Variants in PDE4D observed in about 807,000 individuals in gnomAD.
PDE4D encodes 3',5'-cyclic-AMP phosphodiesterase 4D.
Under a neutral mutation model 87.4 loss-of-function variants are expected in PDE4D, and 24 were observed. The ratio of observed to expected loss-of-function variants is 0.27; its 90% CI spans 0.20 to 0.39. PDE4D has a LOEUF of 0.39. Among genes scored for constraint, PDE4D ranks in the 10% least tolerant of loss-of-function variants. The pLI is 1.00. For missense variants in PDE4D, 714 were observed against 1,041.0 expected (o/e 0.69, Z 4.32); for synonymous variants, 384 against 383.2 (o/e 1.00, Z -0.02).
chr5:60,347,079 C>T (rs545964152), intron 1 of PDE4D, among the ~76,000 whole-genome samples: 1 of 152,030 alleles, frequency 6.6e-6, no homozygotes, highest in Admixed American at 6.6e-5. Flanking sequence ...GACAATTAAA[C>T]AGGGTGATGG....
chr5:59,511,239 CA>C (rs994885228), intron 1 of PDE4D, among the ~76,000 whole-genome samples: 3 of 151,636 alleles, frequency 2.0e-5, no homozygotes, highest in African/African-American at 7.3e-5. Context: ...TCAAAAAATA[CA>C]AAAAGTTTCG....
intron 1 of PDE4D, among the ~76,000 whole-genome samples, chr5:59,572,460 G>A (rs924501144): frequency 2.0e-5 from 3 of 146,500 alleles, no homozygotes; most frequent in Non-Finnish European, 2.9e-5. Flanking sequence ...CAGGTTTTTT[G>A]TTTTGTTTTG....
chr5:60,302,821 T>TTTTTG (rs144243148), intron 1 of PDE4D, among the ~76,000 whole-genome samples: 154 of 151,952 alleles, frequency 1.0e-3, no homozygotes, highest in African/African-American at 1.8e-3. Context: ...AAATTTTGGT[T>TTTTTG]TTTTGTTTTG....
In PDE4D at chr5:60,014,024, C is replaced by T. The variant is rs1452574502; in HGVS notation, c.43-25307G>A. 5.5e-5 allele frequency among the ~76,000 whole-genome samples: 8 copies of T among 145,190 alleles called. No individual in the cohort carries two copies. The East Asian group carries it at 6.5e-4, about 12-fold the overall frequency. ...AGGAGAATTGCTTGAACCCAGGAGGCGGAGGTTGCCGTGAGCCGAGATCAT... is the reference window on the plus strand; with the variant it reads ...AGGAGAATTGCTTGAACCCAGGAGGTGGAGGTTGCCGTGAGCCGAGATCAT... On this transcript the variant is annotated intron_variant, in intron 2 of 16. Coordinates refer to the PDE4D transcript ENST00000502484.
intron 1 of PDE4D, among the ~76,000 whole-genome samples, chr5:59,864,828 C>A (rs1746782049): frequency 1.3e-5 from 2 of 152,126 alleles, no homozygotes; most frequent in African/African-American, 4.8e-5. Context: ...CATGGGGCTA[C>A]AGAGAGGAGT....
At chr5:60,313,846 G>A (rs1164087755) in intron 1 of PDE4D, among the ~76,000 whole-genome samples, 1 of 152,150 alleles carries the variant, frequency 6.6e-6, no homozygotes, top group Admixed American at 6.5e-5. Flanking sequence ...GAAACTACAT[G>A]ATCACCTTGA....
intron 2 of PDE4D, among the ~76,000 whole-genome samples, chr5:60,003,707 T>TGA (rs1419992421): frequency 1.9e-5 from 2 of 104,300 alleles, no homozygotes; most frequent in Non-Finnish European, 3.9e-5. Flanking sequence ...AGACTCCATC[T>TGA]AAAAAAAAAA....
At chr5:60,097,610 T>C (rs1775807618) in intron 2 of PDE4D, among the ~76,000 whole-genome samples, 1 of 152,026 alleles carries the variant, frequency 6.6e-6, no homozygotes, top group Admixed American at 6.6e-5. Flanking sequence ...GTCTATACTT[T>C]AAGACTGATA....
At chr5:59,745,642 C>CGCA (rs1759497676) in intron 1 of PDE4D, among the ~76,000 whole-genome samples, 1 of 152,026 alleles carries the variant, frequency 6.6e-6, no homozygotes, top group Admixed American at 6.6e-5. Context: ...ACATAAAATA[C>CGCA]GCACCAGGAG....
intron 1 of PDE4D, among the ~76,000 whole-genome samples, chr5:60,485,670 A>G (rs1749077924): frequency 6.6e-6 from 1 of 151,266 alleles, no homozygotes; most frequent in African/African-American, 2.5e-5. Flanking sequence ...GAAAATTGAG[A>G]GGAGTGGATA....
chr5:59,952,962 G>A (rs1479404244), intron 3 of PDE4D, among the ~76,000 whole-genome samples: 4 of 152,098 alleles, frequency 2.6e-5, no homozygotes, highest in African/African-American at 4.8e-5. Flanking sequence ...AAATATTATT[G>A]TTTTAAGCCA....
intron 5 of PDE4D, among the ~76,000 whole-genome samples, chr5:59,062,757 C>A (rs1204836723): frequency 7.3e-6 from 1 of 136,350 alleles, no homozygotes; most frequent in Non-Finnish European, 1.5e-5. Flanking sequence ...TCTGAAATAA[C>A]TTCCAGATAA....
intron 1 of PDE4D, among the ~76,000 whole-genome samples, chr5:60,190,502 T>C (rs1785114642): frequency 6.6e-6 from 1 of 152,226 alleles, no homozygotes; most frequent in Non-Finnish European, 1.5e-5. Flanking sequence ...GAGTGCTGTT[T>C]ATCTGAAGCT....
Position 58,974,653 on chromosome 5 carries a change from T to G in PDE4D, c.*11A>C. 2 of 1,522,098 alleles carry G rather than the reference T, an allele frequency of 1.3e-6. No homozygotes were observed. Among genetic ancestry groups the G allele is most frequent in the East Asian group, 2.3e-5 (1 of 43,836 alleles). 94.3% of individuals were successfully genotyped at this position (1,522,098 alleles called of 1,614,324 possible). On this transcript the variant is annotated 3_prime_UTR_variant, in exon 15 of 15. Coordinates refer to ENST00000340635, the MANE Select transcript of PDE4D (RefSeq NM_001104631.2). ...CTTAAAAAAAAAAAAGGCATGAAAG[T>G]TTTTGCACTGTTACGTGTCAGGAGA...
intron 2 of PDE4D, among the ~76,000 whole-genome samples, chr5:60,150,042 T>G (rs981377191): frequency 6.8e-6 from 1 of 147,474 alleles, no homozygotes; most frequent in African/African-American, 2.5e-5. Context: ...ACATATAGTA[T>G]ATATAATTCT....
intron 1 of PDE4D, among the ~76,000 whole-genome samples, chr5:59,426,557 G>GGGAAGGAC (rs1186956780): frequency 4.6e-5 from 7 of 152,066 alleles, no homozygotes; most frequent in Non-Finnish European, 1.0e-4. Flanking sequence ...CAGGCAGCAA[G>GGGAAGGAC]GGAAGGACCC....
At chr5:59,687,258 C>T (rs1750033680) in intron 1 of PDE4D, among the ~76,000 whole-genome samples, 2 of 152,072 alleles carry the variant, frequency 1.3e-5, no homozygotes, top group South Asian at 2.1e-4. Flanking sequence ...AGAAGAGCAA[C>T]TCCAAGACAC....
chr5:59,366,638 G>A (rs1270864893), intron 1 of PDE4D, among the ~76,000 whole-genome samples: 1 of 152,114 alleles, frequency 6.6e-6, no homozygotes, highest in Non-Finnish European at 1.5e-5. Flanking sequence ...ATCAAGAGAT[G>A]TTTTAATAGG....
chr5:60,021,626 T>G (rs964305719), intron 2 of PDE4D: 1 of 152,212 alleles, frequency 6.6e-6, no homozygotes, highest in Non-Finnish European at 1.5e-5. Flanking sequence ...TATACCATCA[T>G]TAGCATACTG....
Sources: allele counts gnomAD v4.1 joint callset (sites outside exome capture counted in the v4.1 genomes callset), GRCh38; gene constraint gnomAD v4.1.1; transcripts MANE v1.5; gene names NCBI Gene and HGNC (gene_info 2026-07-23, HGNC 2026-07-21).